Variants in TTLL8 observed in about 807,000 individuals in gnomAD.
The protein encoded by TTLL8 is tubulin tyrosine ligase like 8.
Under a neutral mutation model 77.8 loss-of-function variants are expected in TTLL8, and 65 were observed. The observed-to-expected ratio is 0.84, with a 90% CI of 0.68 to 1.03. TTLL8 has a LOEUF of 1.03. Among genes scored for constraint, TTLL8 ranks in the 50% least tolerant of loss-of-function variants. The probability of loss-of-function intolerance (pLI) is 0.00; values close to 1 mark genes in which losing one functional copy is unlikely to be tolerated. For missense variants in TTLL8, 910 were observed against 1,004.5 expected (o/e 0.91, Z 1.27); for synonymous variants, 402 against 422.8 (o/e 0.95, Z 0.60).
chr22:50,034,377 G>T lies in TTLL8; in HGVS notation c.1007C>A (p.Ala336Glu). The stretch of plus-strand genomic sequence containing the variant: ...CTCACCTCGGCCCCGGGACTTGGCC[G>T]CGGGCTTTATAATCCAGATGTTCCG... The change falls in exon 9 of 14, where the codon GCG becomes GAG. Residue 336 changes from alanine to glutamate, a missense_variant. Ala to Glu is a moderately radical substitution (Grantham distance 107). Around this residue, in one of 2 missense-constraint regions of TTLL8, gnomAD observed 776 missense variants for 926.1 expected, o/e 0.84. Transcript: ENST00000266182. The surrounding 1 kb of genome is among the most constrained non-coding windows in gnomAD (Gnocchi z 4.1). 1 of 1,366,846 alleles carries T rather than the reference G, an allele frequency of 7.3e-7. No homozygotes were observed. Among genetic ancestry groups the T allele is most frequent in the Non-Finnish European group, 9.8e-7 (1 of 1,021,790 alleles). 84.7% of individuals were successfully genotyped at this position (1,366,846 alleles called of 1,614,324 possible). A position where few individuals can be genotyped will look rare whatever the true frequency, so the allele number is the denominator to read the frequency against.
chr22:50,041,830 T>G lies in TTLL8; in HGVS notation c.644-23A>C, dbSNP rs548877818. 2.7e-5 allele frequency: 37 copies of G among 1,351,252 alleles called. No homozygotes were observed. Among genetic ancestry groups the G allele is most frequent in the Non-Finnish European group, 3.1e-5 (31 of 1,016,094 alleles). 83.7% of individuals were successfully genotyped at this position (1,351,252 alleles called of 1,614,324 possible). ...CATCTGAAACCCAGACACAGGCACA[T>G]GCAGTGGGAACCTCACCCAGGGGCA... On this transcript the variant is annotated intron_variant, in intron 6 of 13. Coordinates refer to ENST00000266182, the Ensembl canonical transcript of TTLL8. This position sits in a 1 kb window ranked among gnomAD's most constrained non-coding sequence, Gnocchi z 4.3.
chr22:50,032,085 G>C (rs200742726), exon 11 of TTLL8: 3 of 1,363,282 alleles, frequency 2.2e-6, no homozygotes, highest in East Asian at 4.6e-5. Context: ...ACTTCTGGAC[G>C]GCGTTGTTGC....
In TTLL8 at chr22:50,034,275, C is replaced by T; in HGVS notation, c.1039+70G>A. 2 of 1,296,934 alleles carry T rather than the reference C, an allele frequency of 1.5e-6. No individual in the cohort carries two copies. Among genetic ancestry groups the T allele is most frequent in the Non-Finnish European group, 2.0e-6 (2 of 987,940 alleles). 80.3% of individuals were successfully genotyped at this position (1,296,934 alleles called of 1,614,324 possible). A position where few individuals can be genotyped will look rare whatever the true frequency, so the allele number is the denominator to read the frequency against. ...TGGTGCTGTGGGCCTGAAACTGTCC[C>T]TCACTCACGGCTCCTGGCATCAAGT... On this transcript the variant is annotated intron_variant, in intron 9 of 13. Transcript: ENST00000266182. The surrounding 1 kb of genome is among the most constrained non-coding windows in gnomAD (Gnocchi z 4.1).
intron 4 of TTLL8, among the ~76,000 whole-genome samples, chr22:50,046,206 A>G: frequency 6.6e-6 from 1 of 152,122 alleles, no homozygotes; most frequent in Admixed American, 6.5e-5. Context: ...TCCTTGAGGC[A>G]GTGGAGGGCG....
At chr22:50,027,938 C>A (rs561449862) in intron 12 of TTLL8, among the ~76,000 whole-genome samples, 23 of 152,222 alleles carry the variant, frequency 1.5e-4, no homozygotes, top group African/African-American at 5.1e-4. Context: ...GCGGCAGGAA[C>A]CTGACTCACG....
chr22:50,036,182 C>G (rs2061335070), intron 8 of TTLL8, among the ~76,000 whole-genome samples: 1 of 152,216 alleles, frequency 6.6e-6, no homozygotes, highest in African/African-American at 2.4e-5. Flanking sequence ...CAGGTGAGGA[C>G]TGACGGGCCC....
At chr22:50,019,984 T>C (rs1346136785) in intron 12 of TTLL8, among the ~76,000 whole-genome samples, 1 of 152,124 alleles carries the variant, frequency 6.6e-6, no homozygotes, top group Non-Finnish European at 1.5e-5. Context: ...AAAATAAAAT[T>C]AGTAACAATC....
rs753844150 is a variant in TTLL8 at position 50,045,248 on chromosome 22, A to G, written c.643+7T>C. The G allele has an allele frequency of 3.0e-6, 4 of 1,352,004 alleles. No homozygotes were observed. The highest frequency in any genetic ancestry group is 1.9e-5 in the Admixed American group (1 of 52,290). 83.8% of individuals were successfully genotyped at this position (1,352,004 alleles called of 1,614,324 possible). ...GCCTGGCACTGCCCTGCCCCGGCCC[A>G]GCGCACCTTGCCTGCTGCTCAGGTC... On this transcript the variant is annotated splice_region_variant and intron_variant, in intron 6 of 13. Transcript: ENST00000266182.
chr22:50,046,028 T>C (rs1482600333), intron 4 of TTLL8, 58 bp from the exon 7 acceptor site: 1 of 1,289,956 alleles, frequency 7.8e-7, no homozygotes. Flanking sequence ...TCTGCCTCGC[T>C]CACAAGGCGA....
rs772014488 is a variant in TTLL8, at chr22:50,047,140, C to A, written c.393+28G>T. The A allele has an allele frequency of 5.9e-6, 8 of 1,366,234 alleles. No homozygotes were observed. The Middle Eastern group carries it at 1.4e-3, about 236-fold the overall frequency. The allele number at this position is 1,366,234 out of a possible 1,614,324, so 84.6% of individuals were successfully genotyped here. On this transcript the variant is annotated intron_variant, in intron 4 of 13. Coordinates refer to ENST00000266182, the Ensembl canonical transcript of TTLL8. ...TCCTCCCCACCACCCTTGCCGGCTCCCGCCACGCTCAAGCGCGGCCGGCTC... is the reference window on the plus strand; with the variant it reads ...TCCTCCCCACCACCCTTGCCGGCTCACGCCACGCTCAAGCGCGGCCGGCTC...
At chr22:50,057,537 C>G (rs932901660), upstream of TTLL8, among the ~76,000 whole-genome samples, 18 of 11,254 alleles carry the variant, frequency 1.6e-3, no homozygotes, top group African/African-American at 5.9e-3. Context: ...CTGGGTTGAG[C>G]GGGAGGTCTG....
chr22:50,037,502 A>G (rs138981013), intron 8 of TTLL8, among the ~76,000 whole-genome samples: 357 of 152,348 alleles, frequency 2.3e-3, no homozygotes, highest in African/African-American at 8.0e-3. Context: ...GCCCGGCCCA[A>G]TGTTTTCCCA....
In TTLL8 at chr22:50,030,477, C is replaced by T. The variant is rs777355924; in HGVS notation, c.2156G>A (p.Gly719Asp). 7.4e-6 allele frequency: 10 copies of T among 1,346,250 alleles called. No homozygotes were observed. The Admixed American group carries it at 1.2e-4, about 16-fold the overall frequency. The allele number at this position is 1,346,250 out of a possible 1,614,324, so 83.4% of individuals were successfully genotyped here. The change falls in exon 12 of 14, where the codon GGC (glycine) becomes GAC (aspartate). Residue 719 changes from glycine to aspartate, a missense_variant. Physicochemically the swap from Gly to Asp is moderately conservative, Grantham distance 94. Coordinates refer to ENST00000266182, the Ensembl canonical transcript of TTLL8. The stretch of plus-strand genomic sequence containing the variant: ...CAGCGCGCCCTCTGCTGTCTTCAGG[C>T]CCCGCAGCACAGGCTCCAGCGGGTG...
In TTLL8 at chr22:50,030,916, CA is replaced by C. The variant is rs762825701; in HGVS notation, c.1716del (p.Glu573SerfsTer17). The C allele has an allele frequency of 3.0e-6, 4 of 1,319,574 alleles. No homozygotes were observed. The highest frequency in any genetic ancestry group is 4.0e-6 in the Non-Finnish European group (4 of 1,005,584). The allele number at this position is 1,319,574 out of a possible 1,614,324, so 81.7% of individuals were successfully genotyped here. A position where few individuals can be genotyped will look rare whatever the true frequency, so the allele number is the denominator to read the frequency against. ...TCGGACCCGCTGAATGGGGGCGGCT[CA>C]ACCACCGGCTGTGGGGAAGGAACAG... On this transcript the variant is annotated frameshift_variant, in exon 12 of 14. Transcript: ENST00000266182. LOFTEE classifies it high-confidence loss of function.
In TTLL8 at chr22:50,034,254, G is replaced by T; in HGVS notation, c.1039+91C>A. 2 of 1,248,078 alleles carry T rather than the reference G, an allele frequency of 1.6e-6. No homozygotes were observed. Among genetic ancestry groups the T allele is most frequent in the Non-Finnish European group, 2.1e-6 (2 of 963,866 alleles). The allele number at this position is 1,248,078 out of a possible 1,614,324, so 77.3% of individuals were successfully genotyped here. A position where few individuals can be genotyped will look rare whatever the true frequency, so the allele number is the denominator to read the frequency against. On this transcript the variant is annotated intron_variant, in intron 9 of 13. Coordinates refer to ENST00000266182, the Ensembl canonical transcript of TTLL8. The surrounding 1 kb of genome is among the most constrained non-coding windows in gnomAD (Gnocchi z 4.1). The stretch of plus-strand genomic sequence containing the variant: ...GCTCCCTCCCTTCCTTCCCTGTGGT[G>T]CTGTGGGCCTGAAACTGTCCCTCAC...
intron 4 of TTLL8, 139 bp from the exon 7 acceptor site, chr22:50,046,109 C>G: frequency 1.5e-6 from 1 of 681,492 alleles, no homozygotes; most frequent in South Asian, 1.7e-5. Context: ...GGATCCCTCC[C>G]CCTCCCCAGA....
chr22:50,057,086 T>C (rs1437877248), upstream of TTLL8, among the ~76,000 whole-genome samples: 10 of 149,824 alleles, frequency 6.7e-5, no homozygotes, highest in Non-Finnish European at 8.9e-5. Flanking sequence ...GGGGATCAGC[T>C]CTGGGGTTGG....
chr22:50,049,044 G>A lies in TTLL8; in HGVS notation c.264+205C>T, dbSNP rs556826837. ...GCACCGGGTCCACCCACTACACAGC[G>A]GCTCATCCAGCACCGAAGGGCTCGC... On this transcript the variant is annotated intron_variant, in intron 3 of 13. Transcript: ENST00000266182. The A allele has an allele frequency of 5.4e-5, 31 of 568,926 alleles. No individual in the cohort carries two copies. The South Asian group carries it at 1.7e-3, about 31-fold the overall frequency. 35.2% of individuals were successfully genotyped at this position (568,926 alleles called of 1,614,324 possible).
chr22:50,047,030 C>T (rs2061416683), intron 4 of TTLL8, 138 bp downstream of exon 6: 2 of 1,190,890 alleles, frequency 1.7e-6, no homozygotes, highest in Admixed American at 3.1e-5. Context: ...TGGCCACGGC[C>T]TTAGACCAGG....
Sources: gnomAD v4.1 joint callset for allele counts (sites outside exome capture counted in the v4.1 genomes callset) on GRCh38, gnomAD v4.1.1 for gene constraint, gnomAD v4.1.1 regional missense constraint, Gnocchi (gnomAD v3.1) non-coding constraint, MANE v1.5 for transcripts, NCBI Gene and HGNC (gene_info 2026-07-23, HGNC 2026-07-21) for gene names.